MINDY2: variants seen among roughly 807,000 people sequenced by gnomAD.
The protein encoded by MINDY2 is MINDY lysine 48 deubiquitinase 2.
MINDY2 carries 52 observed loss-of-function variants against 68.2 expected under a neutral mutation model. The ratio of observed to expected loss-of-function variants is 0.76; its 90% CI spans 0.61 to 0.96. The LOEUF is 0.96. Among genes scored for constraint, MINDY2 ranks in the 40% least tolerant of loss-of-function variants. The pLI is 0.00. For synonymous variants in MINDY2, 372 were observed against 303.0 expected (o/e 1.23, Z -2.36); for missense variants, 881 against 773.4 (o/e 1.14, Z -1.65).
chr15:58,836,437 T>C lies in MINDY2; in HGVS notation c.1368+4521T>C, dbSNP rs1176067891. Among the ~76,000 whole-genome samples the C allele has an allele frequency of 2.0e-5, 3 of 152,092 alleles. No homozygotes were observed. The East Asian group carries it at 5.8e-4, about 29-fold the overall frequency. Reference sequence around the variant, plus strand: ...ATTGCATTTGATAGAGTAACTCCATTTTGATATGATCCAAATCTTGTGTTC... The same window carrying C: ...ATTGCATTTGATAGAGTAACTCCATCTTGATATGATCCAAATCTTGTGTTC... On this transcript the variant is annotated intron_variant, in intron 6 of 8. Coordinates refer to ENST00000559228, the MANE Select transcript of MINDY2 (RefSeq NM_001040450.3).
intron 5 of MINDY2, among the ~76,000 whole-genome samples, chr15:58,831,543 TTTA>T (rs146522906): frequency 0.062 from 9,405 of 152,156 alleles, 701 homozygotes; most frequent in African/African-American, 0.18. Context: ...AATGCATTTG[TTTA>T]TAAAAAAGAA....
At chr15:58,810,166 G>C in intron 3 of MINDY2, 64 bp from the exon 4 acceptor site, 1 of 1,386,860 alleles carries the variant, frequency 7.2e-7, no homozygotes, top group Non-Finnish European at 9.9e-7. Context: ...GCTTGTACTT[G>C]AATATCTTTT....
chr15:58,796,431 T>G (rs1229188999), intron 2 of MINDY2, among the ~76,000 whole-genome samples: 6 of 152,338 alleles, frequency 3.9e-5, no homozygotes, highest in African/African-American at 1.2e-4. Flanking sequence ...CAAGACAGTC[T>G]TGTGAGCCAG....
At chr15:58,790,954 C>T (rs2053273891) in intron 2 of MINDY2, among the ~76,000 whole-genome samples, 1 of 151,604 alleles carries the variant, frequency 6.6e-6, no homozygotes, top group Non-Finnish European at 1.5e-5. Context: ...CCGAGGCAGG[C>T]AGATCATGAG....
At chr15:58,800,190 T>C (rs1902548496) in intron 2 of MINDY2, among the ~76,000 whole-genome samples, 1 of 152,210 alleles carries the variant, frequency 6.6e-6, no homozygotes, top group South Asian at 2.1e-4. Context: ...TATCAAATTT[T>C]GGTTTCTTGT....
chr15:58,854,490 G>A lies in MINDY2; in HGVS notation c.1746G>A (p.Gln582=). ...AAASTQAQQG[Q]PAQASPSSGR... is the part of the protein sequence containing the mutation. ...GTATATTTTTCTTAAAGCAGGGCCA[G>A]CCAGCACAAGCCTCTCCATCAAGTG... The change falls in exon 9 of 9, where the codon CAG becomes CAA. Residue 582 remains glutamine (Q), a synonymous_variant. Coordinates refer to ENST00000559228, the MANE Select transcript of MINDY2 (RefSeq NM_001040450.3). 6.2e-7 allele frequency: 1 copy of A among 1,611,758 alleles called. No individual in the cohort carries two copies. The highest frequency in any genetic ancestry group is 8.5e-7 in the Non-Finnish European group (1 of 1,179,012).
chr15:58,784,914 C>T (rs535133973), intron 1 of MINDY2, among the ~76,000 whole-genome samples: 6 of 151,910 alleles, frequency 3.9e-5, no homozygotes, highest in East Asian at 1.9e-4. Context: ...GGACTGTAGA[C>T]GTGAGCCACC....
chr15:58,792,991 G>A (rs1458592172), intron 2 of MINDY2, among the ~76,000 whole-genome samples: 1 of 151,600 alleles, frequency 6.6e-6, no homozygotes, highest in Non-Finnish European at 1.5e-5. Context: ...GAGAGAGCAA[G>A]AACCTTATCT....
intron 5 of MINDY2, among the ~76,000 whole-genome samples, chr15:58,826,473 C>T (rs2031403183): frequency 6.6e-6 from 1 of 152,084 alleles, no homozygotes; most frequent in Admixed American, 6.6e-5. Context: ...AGGTGATCCG[C>T]CCGCCTTGGC....
At chr15:58,819,491 G>C (rs2030921926) in intron 4 of MINDY2, among the ~76,000 whole-genome samples, 1 of 151,970 alleles carries the variant, frequency 6.6e-6, no homozygotes, top group South Asian at 2.1e-4. Context: ...GGGAGACAGA[G>C]TAAGAAAAAA....
intron 5 of MINDY2, among the ~76,000 whole-genome samples, chr15:58,826,289 G>A (rs2031391241): frequency 6.9e-6 from 1 of 145,666 alleles, no homozygotes. Flanking sequence ...GAGTACAATG[G>A]CGCAACCTTG....
chr15:58,847,371 C>A lies in MINDY2; in HGVS notation c.1443C>A (p.Asn481Lys), dbSNP rs758267212. 1.2e-6 allele frequency: 2 copies of A among 1,608,654 alleles called. No homozygotes were observed. The highest frequency in any genetic ancestry group is 8.5e-7 in the Non-Finnish European group (1 of 1,175,992). Residue 481 changes from asparagine to lysine, a missense_variant, in exon 7 of 9, where the codon AAC (asparagine) becomes AAA (lysine). Asn to Lys is a moderately conservative substitution (Grantham distance 94). Coordinates refer to ENST00000559228, the MANE Select transcript of MINDY2 (RefSeq NM_001040450.3). ...EEKVVWESLH[N>K]VDGDGNFCDS... is the part of the protein sequence containing the mutation. ...AAGTTGTTTGGGAAAGCCTACACAA[C>A]GTAGATGGTGATGGAAATTTCTGTG...
chr15:58,783,669 T>C (rs1174956679), intron 1 of MINDY2, among the ~76,000 whole-genome samples: 2 of 152,192 alleles, frequency 1.3e-5, no homozygotes, highest in East Asian at 3.8e-4. Context: ...CATGGTGGCT[T>C]ACACCCGTAA....
intron 8 of MINDY2, among the ~76,000 whole-genome samples, chr15:58,853,583 G>A (rs2032935648): frequency 6.6e-6 from 1 of 152,000 alleles, no homozygotes; most frequent in Admixed American, 6.6e-5. Flanking sequence ...CACTTTGGGA[G>A]GCCAAGACAG....
At position 58,771,524 on chromosome 15, in the gene MINDY2, A is replaced by C; in HGVS notation, c.129A>C (p.Val43=). Residue 43 remains valine (V), a synonymous_variant, in exon 1 of 9, where the codon GTA becomes GTC. Transcript: ENST00000559228. ...TRLAAGDGPG[V]WAAETSGGNG... is the part of the protein sequence containing the mutation. ...TCGCCGCTGGTGATGGTCCTGGGGT[A>C]TGGGCGGCGGAGACCAGCGGCGGGA... The C allele has an allele frequency of 1.2e-6, 2 of 1,611,832 alleles. No homozygotes were observed. Among genetic ancestry groups the C allele is most frequent in the Non-Finnish European group, 1.7e-6 (2 of 1,179,646 alleles).
chr15:58,832,134 T>A (rs1029849104), intron 6 of MINDY2, among the ~76,000 whole-genome samples: 2 of 152,186 alleles, frequency 1.3e-5, no homozygotes, highest in Non-Finnish European at 2.9e-5. Context: ...ATTCTCAACT[T>A]CTTTTTCACA....
At chr15:58,785,710 T>C (rs1320409755) in intron 1 of MINDY2, among the ~76,000 whole-genome samples, 1 of 152,122 alleles carries the variant, frequency 6.6e-6, no homozygotes, top group East Asian at 1.9e-4. Context: ...AGAGTCTCAC[T>C]CTGTCACCCA....
chr15:58,845,770 G>T (rs1423982923), intron 6 of MINDY2, among the ~76,000 whole-genome samples: 1 of 152,128 alleles, frequency 6.6e-6, no homozygotes, highest in Non-Finnish European at 1.5e-5. Flanking sequence ...AGCACTATTC[G>T]CAATAGCCAA....
intron 6 of MINDY2, among the ~76,000 whole-genome samples, chr15:58,834,606 C>T (rs547830701): frequency 1.4e-4 from 22 of 152,302 alleles, no homozygotes; most frequent in African/African-American, 5.3e-4. Context: ...GAGTACAATT[C>T]TCTAACCATC....
Sources: gnomAD v4.1 joint callset for allele counts (sites outside exome capture counted in the v4.1 genomes callset) on GRCh38, gnomAD v4.1.1 for gene constraint, MANE v1.5 for transcripts, NCBI Gene and HGNC (gene_info 2026-07-23, HGNC 2026-07-21) for gene names.